Variants in FAM107A observed in about 807,000 individuals in gnomAD.
FAM107A encodes the protein actin-associated protein FAM107A.
FAM107A carries 19 observed loss-of-function variants against 13.7 expected under a neutral mutation model. The observed-to-expected ratio is 1.38, with a 90% CI of 0.97 to 2.03. The LOEUF (loss-of-function observed/expected upper bound fraction) is 2.03, where lower values mean the gene tolerates loss of function less well. Among genes scored for constraint, FAM107A ranks in the 30% most tolerant of loss-of-function variants. The pLI is 0.00. For synonymous variants in FAM107A, 82 were observed against 74.5 expected, an observed-to-expected ratio of 1.10 and a Z score of -0.52; for missense variants, 203 against 184.4, an observed-to-expected ratio of 1.10 and a Z score of -0.58.
chr3:58,589,436 T>G (rs1185554833), upstream of FAM107A, among the ~76,000 whole-genome samples: 5 of 152,162 alleles, frequency 3.3e-5, no homozygotes, highest in Non-Finnish European at 7.3e-5. Context: ...AATGGATGTG[T>G]GTGTGTGTGT....
chr3:58,606,216 C>T (rs1297368690), intron 1 of FAM107A, among the ~76,000 whole-genome samples: 14 of 152,222 alleles, frequency 9.2e-5, no homozygotes, highest in Admixed American at 9.2e-4. Flanking sequence ...CTGCCTCAGC[C>T]TCCCAAGTAG....
chr3:58,592,257 C>A (rs1193055502), intron 1 of FAM107A, among the ~76,000 whole-genome samples: 2 of 152,184 alleles, frequency 1.3e-5, no homozygotes. Context: ...GCTCAGCTCT[C>A]TTCACACAGA....
Position 58,604,033 on chromosome 3 carries a change from C to G in FAM107A, c.-69-14764G>C, listed in dbSNP as rs933134632. 6.6e-6 allele frequency among the ~76,000 whole-genome samples: 1 copy of G among 152,164 alleles called. No individual in the cohort carries two copies. Among genetic ancestry groups the G allele is most frequent in the Non-Finnish European group, 1.5e-5 (1 of 68,038 alleles). The stretch of plus-strand genomic sequence containing the variant: ...GTGGGTGGAAGCCCTCCCAATAGCC[C>G]CTGCCCCACCAGATGCCCCTCCGCC... On this transcript the variant is annotated intron_variant, in intron 1 of 3. Transcript: ENST00000465970. This position sits in a 1 kb window ranked among gnomAD's most constrained non-coding sequence, Gnocchi z 4.1.
chr3:58,616,152 A>G (rs2065899336), intron 1 of FAM107A, among the ~76,000 whole-genome samples: 1 of 152,032 alleles, frequency 6.6e-6, no homozygotes, highest in Non-Finnish European at 1.5e-5. Context: ...CGGAGAGAAG[A>G]GGGGATCAGA....
chr3:58,619,184 T>G (rs2065930761), intron 1 of FAM107A, among the ~76,000 whole-genome samples: 5 of 152,132 alleles, frequency 3.3e-5, no homozygotes, highest in Admixed American at 3.3e-4. Flanking sequence ...TCTTTTTTTG[T>G]AGTGATGGGT....
chr3:58,598,981 G>T (rs569942655), intron 1 of FAM107A, among the ~76,000 whole-genome samples: 1 of 151,480 alleles, frequency 6.6e-6, no homozygotes. Flanking sequence ...TGCTCTTGTC[G>T]CCCAGGCTGG....
Position 58,577,138 on chromosome 3 carries a change from C to T in FAM107A, c.-6+171G>A, listed in dbSNP as rs1375344335. ...CGAAACCCAGGGTGCCTGGAGGCAT[C>T]TCCCGTATCATTTTATGGATGCTGG... On this transcript the variant is annotated intron_variant, in intron 1 of 3. Coordinates refer to ENST00000360997, the MANE Select transcript of FAM107A (RefSeq NM_001076778.3). The surrounding 1 kb of genome is among the most constrained non-coding windows in gnomAD (Gnocchi z 4.9). 1.3e-5 allele frequency among the ~76,000 whole-genome samples: 2 copies of T among 152,242 alleles called. No homozygotes were observed. Among genetic ancestry groups the T allele is most frequent in the East Asian group, 3.9e-4 (2 of 5,192 alleles).
rs751660770 is a variant in FAM107A, at chr3:58,569,790, C to T, written c.71G>A (p.Trp24Ter). Reference protein sequence around the residue: ...GLMARPEYREWNPELIKPKKL... With the variant: ...GLMARPEYRE The stretch of plus-strand genomic sequence containing the variant: ...CTTGGGCTTGATGAGCTCCGGATTC[C>T]ACTCTCTGTATTCTGGCCGGGCCAT... Residue 24 changes from tryptophan to a stop codon, truncating the protein, a stop_gained, in exon 2 of 4, where the codon TGG becomes TAG. Coordinates refer to ENST00000360997, the MANE Select transcript of FAM107A (RefSeq NM_001076778.3). LOFTEE classifies it high-confidence loss of function. This position sits in a 1 kb window ranked among gnomAD's most constrained non-coding sequence, Gnocchi z 5.7. 6.2e-7 allele frequency: 1 copy of T among 1,614,186 alleles called. No individual in the cohort carries two copies. Among genetic ancestry groups the T allele is most frequent in the Non-Finnish European group, 8.5e-7 (1 of 1,180,030 alleles).
rs1277455538 is a variant in FAM107A, at chr3:58,569,010, TC to T, written c.170+680del. Among the ~76,000 whole-genome samples the T allele has an allele frequency of 6.6e-6, 1 of 152,024 alleles. No individual in the cohort carries two copies. The highest frequency in any genetic ancestry group is 1.5e-5 in the Non-Finnish European group (1 of 67,994). Reference sequence around the variant, plus strand: ...TCCTGCCCACTTTGGTATTGTGAGCTCCCCCATCCCACCTCACCAGACGGGC... The same window carrying T: ...TCCTGCCCACTTTGGTATTGTGAGCTCCCCATCCCACCTCACCAGACGGGC... On this transcript the variant is annotated intron_variant, in intron 2 of 3. Transcript: ENST00000360997. The surrounding 1 kb of genome is among the most constrained non-coding windows in gnomAD (Gnocchi z 5.7).
upstream of FAM107A, chr3:58,577,713 A>T (rs2063742539): frequency 2.0e-6 from 2 of 985,308 alleles, no homozygotes; most frequent in Non-Finnish European, 2.4e-6. The surrounding 1 kb of genome is among the most constrained non-coding windows in gnomAD (Gnocchi z 4.9). Context: ...GTCAGGCAAG[A>T]GTGGATTCCA....
At chr3:58,589,170 T>C (rs2065634606), upstream of FAM107A, 3 of 1,390,908 alleles carry the variant, frequency 2.2e-6, no homozygotes, top group African/African-American at 1.4e-5. Flanking sequence ...GGATGGACTC[T>C]GGCCGCACCC....
At chr3:58,573,668 A>G (rs1381343715) in intron 1 of FAM107A, 1 of 152,464 alleles carries the variant, frequency 6.6e-6, no homozygotes, top group Non-Finnish European at 1.5e-5. Flanking sequence ...GCTTGTTTGT[A>G]TTCTTCATGG....
upstream of FAM107A, chr3:58,587,140 G>A (rs1356137182): frequency 7.4e-7 from 1 of 1,350,318 alleles, no homozygotes; most frequent in African/African-American, 1.5e-5. Flanking sequence ...CAGGGCAGGT[G>A]TCCGCGCCCA....
chr3:58,585,061 A>T (rs2065589567), intron 1 of FAM107A, among the ~76,000 whole-genome samples: 1 of 152,212 alleles, frequency 6.6e-6, no homozygotes, highest in African/African-American at 2.4e-5. Flanking sequence ...AGGGATATTA[A>T]GTGCTTGTCA....
chr3:58,599,438 C>T (rs2065734112), intron 1 of FAM107A, among the ~76,000 whole-genome samples: 2 of 152,148 alleles, frequency 1.3e-5, no homozygotes, highest in Non-Finnish European at 2.9e-5. Context: ...ACTTGCCATC[C>T]GTGCCTGAGA....
At chr3:58,589,282 A>T (rs1191234490), upstream of FAM107A, 34 of 1,522,298 alleles carry the variant, frequency 2.2e-5, no homozygotes, top group Non-Finnish European at 2.8e-5. Flanking sequence ...GTAAACAGAA[A>T]GAAAGTAGGT....
At chr3:58,620,349 A>G (rs766962545) in intron 1 of FAM107A, among the ~76,000 whole-genome samples, 6 of 152,158 alleles carry the variant, frequency 3.9e-5, no homozygotes, top group Non-Finnish European at 8.8e-5. Context: ...GTAATCCTAC[A>G]GGCTTGGCAA....
intron 1 of FAM107A, among the ~76,000 whole-genome samples, chr3:58,593,001 C>A (rs1308348461): frequency 1.3e-5 from 2 of 152,138 alleles, no homozygotes; most frequent in Non-Finnish European, 2.9e-5. Flanking sequence ...GCTGGACAAT[C>A]AGTTCTTAAG....
At chr3:58,586,565 T>C (rs1330702245) in intron 1 of FAM107A, among the ~76,000 whole-genome samples, 2 of 151,984 alleles carry the variant, frequency 1.3e-5, no homozygotes, top group Non-Finnish European at 2.9e-5. Context: ...GGTGCGCACC[T>C]GTAGTCCCAG....
Sources: gnomAD v4.1 joint callset for allele counts (sites outside exome capture counted in the v4.1 genomes callset) on GRCh38, gnomAD v4.1.1 for gene constraint, Gnocchi (gnomAD v3.1) non-coding constraint, MANE v1.5 for transcripts, NCBI Gene and HGNC (gene_info 2026-07-23, HGNC 2026-07-21) for gene names.